Variants in RAPGEF5 observed in about 807,000 individuals in gnomAD.
RAPGEF5 encodes Rap guanine nucleotide exchange factor 5, also known as M-Ras-regulated GEF.
In RAPGEF5, 65 loss-of-function variants were observed where a neutral mutation model predicts 125.2. That is an observed-to-expected ratio of 0.52 (90% CI 0.43 to 0.64). RAPGEF5 has a LOEUF of 0.64. RAPGEF5 is among the 30% of genes least tolerant of loss of function. The pLI, the probability that RAPGEF5 is intolerant of heterozygous loss-of-function variation, is 0.00. For missense variants in RAPGEF5, 958 were observed against 1,048.1 expected, an observed-to-expected ratio of 0.91 and a Z score of 1.19; for synonymous variants, 391 against 385.9, an observed-to-expected ratio of 1.01 and a Z score of -0.16.
chr7:22,333,693 G>A (rs746724146), intron 1 of RAPGEF5, among the ~76,000 whole-genome samples: 3 of 151,500 alleles, frequency 2.0e-5, no homozygotes, highest in Non-Finnish European at 4.4e-5. Context: ...TGCATGACTT[G>A]GTGGGATTTG....
intron 6 of RAPGEF5, 38 bp downstream of exon 6, chr7:22,291,137 T>C (rs1268376896): frequency 4.6e-6 from 7 of 1,537,014 alleles, no homozygotes; most frequent in Admixed American, 4.6e-5. Flanking sequence ...AGCTTCATTA[T>C]TTCTGCACCC....
At chr7:22,147,529 A>C (rs1287698503) in intron 18 of RAPGEF5, among the ~76,000 whole-genome samples, 1 of 152,250 alleles carries the variant, frequency 6.6e-6, no homozygotes, top group Non-Finnish European at 1.5e-5. Context: ...GAAAGTAAAA[A>C]AGTTTTAACA....
intron 9 of RAPGEF5, among the ~76,000 whole-genome samples, chr7:22,203,292 C>T (rs140684437): frequency 4.9e-4 from 74 of 152,126 alleles, no homozygotes; most frequent in African/African-American, 1.7e-3. Flanking sequence ...CTCACCTCCC[C>T]GCAAATCTCA....
intron 5 of RAPGEF5, among the ~76,000 whole-genome samples, chr7:22,306,664 T>C (rs955768003): frequency 5.3e-5 from 8 of 152,170 alleles, no homozygotes; most frequent in Non-Finnish European, 8.8e-5. Context: ...CTGAAAATTT[T>C]CCCCAATCTT....
At chr7:22,260,395 C>T (rs1034737261) in intron 7 of RAPGEF5, among the ~76,000 whole-genome samples, 1 of 151,848 alleles carries the variant, frequency 6.6e-6, no homozygotes, top group African/African-American at 2.4e-5. Context: ...AGGTATAAAG[C>T]AACTCTCTGC....
chr7:22,330,880 A>T (rs2128157654), intron 1 of RAPGEF5, among the ~76,000 whole-genome samples: 1 of 152,344 alleles, frequency 6.6e-6, no homozygotes, highest in Non-Finnish European at 1.5e-5. Context: ...CTGACCCAGA[A>T]TACAGGTATT....
At chr7:22,323,627 T>A (rs1783758477) in intron 1 of RAPGEF5, among the ~76,000 whole-genome samples, 1 of 152,220 alleles carries the variant, frequency 6.6e-6, no homozygotes, top group African/African-American at 2.4e-5. Context: ...TCTCCACTTG[T>A]CACTGAATTT....
At chr7:22,215,010 C>T (rs1785601886) in intron 9 of RAPGEF5, among the ~76,000 whole-genome samples, 1 of 152,184 alleles carries the variant, frequency 6.6e-6, no homozygotes. Context: ...GTTAGAACCC[C>T]ACCTAACAAT....
intron 7 of RAPGEF5, among the ~76,000 whole-genome samples, chr7:22,262,333 A>C (rs922070172): frequency 6.6e-6 from 1 of 152,196 alleles, no homozygotes; most frequent in African/African-American, 2.4e-5. Flanking sequence ...ATTAGCCATC[A>C]GGGAAACGCA....
intron 17 of RAPGEF5, among the ~76,000 whole-genome samples, chr7:22,152,635 C>G (rs562892169): frequency 6.6e-6 from 1 of 152,216 alleles, no homozygotes; most frequent in African/African-American, 2.4e-5. Context: ...TTAGAAAAAT[C>G]CATAAAACCT....
intron 2 of RAPGEF5, among the ~76,000 whole-genome samples, chr7:22,316,195 G>C (rs1454738979): frequency 6.6e-6 from 1 of 151,870 alleles, no homozygotes; most frequent in Admixed American, 6.6e-5. Context: ...TCTATAACCA[G>C]CACCTTCCCC....
intron 1 of RAPGEF5, among the ~76,000 whole-genome samples, chr7:22,337,895 T>C (rs764051462): frequency 6.6e-6 from 1 of 152,232 alleles, no homozygotes; most frequent in Non-Finnish European, 1.5e-5. Flanking sequence ...TAATGTAAAA[T>C]ATGTCAGAAA....
intron 5 of RAPGEF5, among the ~76,000 whole-genome samples, chr7:22,308,135 T>A (rs575603638): frequency 6.6e-6 from 1 of 152,342 alleles, no homozygotes; most frequent in East Asian, 1.9e-4. Context: ...GGCATAGGCT[T>A]CTGGGATTTA....
intron 5 of RAPGEF5, 58 bp from the exon 6 acceptor site, chr7:22,291,299 C>T: frequency 2.7e-6 from 4 of 1,490,548 alleles, no homozygotes; most frequent in East Asian, 4.9e-5. Context: ...AATTTATCTA[C>T]CAAGTTAGGA....
At chr7:22,226,755 A>G (rs562018573) in intron 8 of RAPGEF5, among the ~76,000 whole-genome samples, 2 of 152,298 alleles carry the variant, frequency 1.3e-5, no homozygotes, top group South Asian at 2.1e-4. Flanking sequence ...GTCACTGTCC[A>G]GGCAAGGCAA....
At chr7:22,257,620 T>C (rs1024484633) in intron 7 of RAPGEF5, among the ~76,000 whole-genome samples, 1 of 152,222 alleles carries the variant, frequency 6.6e-6, no homozygotes, top group Non-Finnish European at 1.5e-5. Context: ...CCATTGTTCC[T>C]TCACATCCAC....
intron 8 of RAPGEF5, 25 bp downstream of exon 8, chr7:22,230,821 G>A (rs1353839316): frequency 1.3e-6 from 2 of 1,547,634 alleles, no homozygotes; most frequent in Non-Finnish European, 1.8e-6. Flanking sequence ...GGTATGATGA[G>A]GGGCTGTCAC....
In RAPGEF5 at chr7:22,119,059, C is replaced by T. The variant is rs1323739301; in HGVS notation, c.*3347G>A. 6.6e-6 allele frequency: 1 copy of T among 152,184 alleles called. No individual in the cohort carries two copies. Among genetic ancestry groups the T allele is most frequent in the Admixed American group, 6.5e-5 (1 of 15,282 alleles). The allele number at this position is 152,184 out of a possible 1,614,324, so 9.4% of individuals were successfully genotyped here. ...ATGTTTTTGCCCAGTTTCTGAAAAG[C>T]CTGGATTGGCTGCGCCATTTAGGAA... On this transcript the variant is annotated 3_prime_UTR_variant, in exon 26 of 26. Coordinates refer to ENST00000665637, the MANE Select transcript of RAPGEF5 (RefSeq NM_012294.5). The surrounding 1 kb of genome is among the most constrained non-coding windows in gnomAD (Gnocchi z 4.1).
intron 8 of RAPGEF5, among the ~76,000 whole-genome samples, chr7:22,221,592 T>C (rs1208318596): frequency 6.6e-6 from 1 of 152,160 alleles, no homozygotes; most frequent in Non-Finnish European, 1.5e-5. Flanking sequence ...GGCAGGATTT[T>C]CCGGTGCTAT....
Sources: gnomAD v4.1 joint callset for allele counts (sites outside exome capture counted in the v4.1 genomes callset) on GRCh38, gnomAD v4.1.1 for gene constraint, Gnocchi (gnomAD v3.1) non-coding constraint, MANE v1.5 for transcripts, NCBI Gene and HGNC (gene_info 2026-07-23, HGNC 2026-07-21) for gene names.